DPP6: variants seen among roughly 807,000 people sequenced by gnomAD.
The protein encoded by DPP6 is dipeptidyl peptidase like 6.
DPP6 carries 69 observed loss-of-function variants against 122.6 expected under a neutral mutation model. That is an observed-to-expected ratio of 0.56 (90% CI 0.46 to 0.69). The LOEUF is 0.69. DPP6 is among the 30% of genes least tolerant of loss of function. The pLI is 0.00. For missense variants in DPP6, 928 were observed against 1,116.9 expected (o/e 0.83, Z 2.41); for synonymous variants, 418 against 433.1 (o/e 0.97, Z 0.43).
intron 8 of DPP6, among the ~76,000 whole-genome samples, chr7:154,759,152 C>T (rs2177785): frequency 0.013 from 1,937 of 152,256 alleles, 111 homozygotes; most frequent in Admixed American, 0.1. Context: ...GCGAATTCAC[C>T]CCTCGCCACC....
intron 1 of DPP6, among the ~76,000 whole-genome samples, chr7:154,141,675 C>T (rs1389328616): frequency 2.0e-5 from 3 of 152,216 alleles, no homozygotes; most frequent in South Asian, 2.1e-4. Flanking sequence ...CCACGCAGCT[C>T]ATGCAGATGG....
intron 7 of DPP6, among the ~76,000 whole-genome samples, chr7:154,705,504 G>T (rs1030262085): frequency 2.8e-4 from 43 of 152,324 alleles, no homozygotes; most frequent in African/African-American, 9.4e-4. Flanking sequence ...CCAGTGCCAG[G>T]ACCCAGAGGC....
At chr7:154,567,000 A>G (rs1486780465) in intron 5 of DPP6, 84 bp downstream of exon 5, 28 of 989,758 alleles carry the variant, frequency 2.8e-5, no homozygotes, top group Non-Finnish European at 4.2e-5. Context: ...ACTCTTCTAT[A>G]CTTAGTGATC....
At chr7:154,293,696 C>G (rs569280924) in intron 1 of DPP6, among the ~76,000 whole-genome samples, 20 of 152,252 alleles carry the variant, frequency 1.3e-4, no homozygotes, top group African/African-American at 4.3e-4. Context: ...ACCCTACTAC[C>G]CTGTGAGGTT....
chr7:154,310,782 C>T (rs1284253273), intron 1 of DPP6, among the ~76,000 whole-genome samples: 3 of 152,168 alleles, frequency 2.0e-5, no homozygotes, highest in African/African-American at 2.4e-5. Context: ...GAACAGCGTG[C>T]ACGTGGAAAG....
intron 1 of DPP6, among the ~76,000 whole-genome samples, chr7:154,205,070 G>T (rs1011428557): frequency 2.3e-4 from 35 of 152,000 alleles, no homozygotes; most frequent in Middle Eastern, 6.8e-3. Flanking sequence ...ATTAGTCATT[G>T]CTGATATTAT....
At chr7:154,577,694 C>T (rs973416430) in intron 5 of DPP6, among the ~76,000 whole-genome samples, 1 of 152,092 alleles carries the variant, frequency 6.6e-6, no homozygotes, top group Non-Finnish European at 1.5e-5. Flanking sequence ...AGAGAACACT[C>T]GATTGCTTTC....
At chr7:153,920,565 T>TTTTTTTTTTTTTA in intron 1 of DPP6, among the ~76,000 whole-genome samples, 1 of 118,152 alleles carries the variant, frequency 8.5e-6, no homozygotes, top group African/African-American at 3.2e-5. Flanking sequence ...ATCTCTCTCT[T>TTTTTTTTTTTTTA]TTTTTTTTTT....
chr7:154,198,241 CTG>C, intron 1 of DPP6, among the ~76,000 whole-genome samples: 2 of 152,298 alleles, frequency 1.3e-5, no homozygotes, highest in South Asian at 4.1e-4. Flanking sequence ...TTCGCCCATT[CTG>C]TCTTACTACT....
At chr7:154,801,304 C>T (rs561964985) in intron 12 of DPP6, 51 bp from the exon 13 acceptor site, 2 of 1,551,664 alleles carry the variant, frequency 1.3e-6, no homozygotes, top group African/African-American at 2.7e-5. Flanking sequence ...TCAACCTCTT[C>T]AGAATAAATG....
intron 1 of DPP6, among the ~76,000 whole-genome samples, chr7:153,933,842 A>G (rs1362920874): frequency 6.6e-6 from 1 of 152,130 alleles, no homozygotes; most frequent in African/African-American, 2.4e-5. Context: ...GGTTGTTTAG[A>G]GTCCCATAGG....
chr7:154,131,618 T>C (rs1372840575), intron 1 of DPP6, among the ~76,000 whole-genome samples: 4 of 152,296 alleles, frequency 2.6e-5, no homozygotes, highest in East Asian at 3.8e-4. Flanking sequence ...TAGCAGAATG[T>C]TTGATTAAAT....
chr7:154,451,102 C>A (rs1820324480), intron 2 of DPP6, among the ~76,000 whole-genome samples: 1 of 152,092 alleles, frequency 6.6e-6, no homozygotes, highest in Admixed American at 6.5e-5. Context: ...GTGGCTCATG[C>A]CTGTAATCCC....
chr7:154,729,845 T>C (rs1361850351), intron 8 of DPP6, among the ~76,000 whole-genome samples: 1 of 152,192 alleles, frequency 6.6e-6, no homozygotes, highest in East Asian at 1.9e-4. Flanking sequence ...TATTGTCACA[T>C]GAGTCCTTGG....
intron 1 of DPP6, among the ~76,000 whole-genome samples, chr7:153,996,407 T>A: frequency 6.6e-6 from 1 of 152,026 alleles, no homozygotes. Flanking sequence ...GGGCCTATCC[T>A]TCAAGGTTCA....
At position 154,293,370 on chromosome 7, in the gene DPP6, A is replaced by G. The variant is rs1028130798; in HGVS notation, c.244-152844A>G. On this transcript the variant is annotated intron_variant, in intron 1 of 25. Coordinates refer to ENST00000377770, the MANE Select transcript of DPP6 (RefSeq NM_130797.4). The stretch of plus-strand genomic sequence containing the variant: ...GTAGCGTAGGATTCAGTGATCCCCA[A>G]GTGTTTTAAGCTGCAGAGCTCTTTG... Among the ~76,000 whole-genome samples the G allele has an allele frequency of 2.6e-5, 4 of 152,148 alleles. No individual in the cohort carries two copies. In the South Asian group the frequency reaches 6.2e-4, roughly 24 times the overall value.
At chr7:154,887,598 GC>G in intron 22 of DPP6, 77 bp from the exon 23 acceptor site, 1 of 1,461,188 alleles carries the variant, frequency 6.8e-7, no homozygotes, top group Non-Finnish European at 9.6e-7. Flanking sequence ...CCGGTCCAGG[GC>G]CCTCCCTAGA....
intron 1 of DPP6, among the ~76,000 whole-genome samples, chr7:153,967,213 T>C (rs962671761): frequency 6.6e-6 from 1 of 152,158 alleles, no homozygotes; most frequent in Non-Finnish European, 1.5e-5. Context: ...CATCCTGTGC[T>C]GGGGATGCTG....
chr7:154,341,140 T>G (rs1235191759), intron 1 of DPP6, among the ~76,000 whole-genome samples: 1 of 152,232 alleles, frequency 6.6e-6, no homozygotes, highest in Non-Finnish European at 1.5e-5. Context: ...AAAATTACTC[T>G]GTCCCCATTT....
Sources: allele counts gnomAD v4.1 joint callset (sites outside exome capture counted in the v4.1 genomes callset), GRCh38; gene constraint gnomAD v4.1.1; transcripts MANE v1.5; gene names NCBI Gene and HGNC (gene_info 2026-07-23, HGNC 2026-07-21).